Variants in REL observed in about 807,000 individuals in gnomAD.
The protein encoded by REL is proto-oncogene c-Rel.
In REL, 15 loss-of-function variants were observed where a neutral mutation model predicts 45.9. The ratio of observed to expected loss-of-function variants is 0.33; its 90% confidence interval spans 0.22 to 0.50. The LOEUF is 0.50. REL is among the 20% of genes least tolerant of loss of function. The probability of loss-of-function intolerance (pLI) is 0.98; values close to 1 mark genes in which losing one functional copy is unlikely to be tolerated. For missense variants in REL, 601 were observed against 715.2 expected (o/e 0.84, Z 1.82); for synonymous variants, 239 against 242.1 (o/e 0.99, Z 0.12).
chr2:60,897,343 T>C (rs911672952), intron 3 of REL, among the ~76,000 whole-genome samples: 1 of 151,570 alleles, frequency 6.6e-6, no homozygotes, highest in African/African-American at 2.4e-5. Context: ...AGCCTTGCTC[T>C]GTTGCCCAGG....
intron 1 of REL, among the ~76,000 whole-genome samples, chr2:60,888,620 T>C (rs1673129801): frequency 6.6e-6 from 1 of 152,202 alleles, no homozygotes; most frequent in Non-Finnish European, 1.5e-5. Flanking sequence ...TATGAACTTG[T>C]TTAGGTTAAA....
At chr2:60,898,167 T>G (rs1211923432) in intron 3 of REL, among the ~76,000 whole-genome samples, 1 of 152,228 alleles carries the variant, frequency 6.6e-6, no homozygotes, top group Non-Finnish European at 1.5e-5. Context: ...TGGTCTTGCA[T>G]TAACCATTTT....
Position 60,921,910 on chromosome 2 carries a change from G to T in REL, c.1139G>T (p.Trp380Leu), listed in dbSNP as rs775805658. The change falls in exon 10 of 10, where the codon TGG (tryptophan) becomes TTG (leucine). Residue 380 changes from tryptophan to leucine, a missense_variant. By Grantham distance (61) the Trp-to-Leu change is moderately conservative. Transcript: ENST00000394479. ...ATGGCACCTCTGCCTTCTTCAAGCT[G>T]GTCATCAGTGGCCCACCCCACCCCA... ...ASMAPLPSSS[W>L]SSVAHPTPRS... The T allele has an allele frequency of 6.8e-6, 11 of 1,613,914 alleles. No homozygotes were observed. In the South Asian group the frequency reaches 1.2e-4, roughly 18 times the overall value.
intron 1 of REL, among the ~76,000 whole-genome samples, chr2:60,887,935 T>G (rs1318349444): frequency 2.7e-5 from 4 of 145,606 alleles, no homozygotes; most frequent in South Asian, 2.2e-4. Flanking sequence ...GTTTTGTTTG[T>G]TTTTTTTTTT....
intron 9 of REL, among the ~76,000 whole-genome samples, chr2:60,920,871 G>A (rs978404179): frequency 6.6e-6 from 1 of 152,042 alleles, no homozygotes; most frequent in Non-Finnish European, 1.5e-5. Context: ...TGTTCATATG[G>A]TAGCAATTTT....
rs148332613 is a variant in REL at position 60,889,898 on chromosome 2, G to A, written c.11-1785G>A. Among the ~76,000 whole-genome samples, 412 of 152,188 alleles carry A rather than the reference G, an allele frequency of 2.7e-3. 2 individuals carry two copies. Among genetic ancestry groups the A allele is most frequent in the African/African-American group, 8.6e-3 (358 of 41,502 alleles). Reference sequence around the variant, plus strand: ...AGTCTTTGCTATTGTGAAGAGTGCCGCAATAAACATACTTGTGCATGTGTC... The same window carrying A: ...AGTCTTTGCTATTGTGAAGAGTGCCACAATAAACATACTTGTGCATGTGTC... On this transcript the variant is annotated intron_variant, in intron 1 of 9. Coordinates refer to ENST00000394479, the MANE Select transcript of REL (RefSeq NM_001291746.2).
At chr2:60,894,589 T>C in intron 3 of REL, 44 bp downstream of exon 3, 2 of 1,431,208 alleles carry the variant, frequency 1.4e-6, no homozygotes, top group Non-Finnish European at 1.9e-6. Context: ...AGATAAGACA[T>C]AGGATGTTCT....
chr2:60,903,287 G>A (rs1673546292), intron 4 of REL, among the ~76,000 whole-genome samples: 1 of 152,174 alleles, frequency 6.6e-6, no homozygotes, highest in African/African-American at 2.4e-5. Context: ...AATATAAGTG[G>A]CAGACCTGGA....
chr2:60,897,878 A>AG (rs1416834982), intron 3 of REL, among the ~76,000 whole-genome samples: 1 of 152,046 alleles, frequency 6.6e-6, no homozygotes, highest in Non-Finnish European at 1.5e-5. Flanking sequence ...AAAAAAAAAA[A>AG]AAAGCACTTC....
Position 60,909,451 on chromosome 2 carries a change from A to AT in REL, c.395-7414dup, listed in dbSNP as rs879894792. Among the ~76,000 whole-genome samples the AT allele has an allele frequency of 5.1e-3, 734 of 145,340 alleles. 7 individuals carry two copies. Among genetic ancestry groups the AT allele is most frequent in the African/African-American group, 0.015 (601 of 39,862 alleles). On this transcript the variant is annotated intron_variant, in intron 4 of 9. Transcript: ENST00000394479. ...TTTTTCCTTAAGTGAGACTTAGTTCATTTTTTTTTTTTCTATTATTTGTAG... is the reference window on the plus strand; with the variant it reads ...TTTTTCCTTAAGTGAGACTTAGTTCATTTTTTTTTTTTTCTATTATTTGTAG...
chr2:60,922,614 T>G lies in REL; in HGVS notation c.*79T>G, dbSNP rs546826285. On this transcript the variant is annotated 3_prime_UTR_variant, in exon 10 of 10. Coordinates refer to ENST00000394479, the MANE Select transcript of REL (RefSeq NM_001291746.2). ...TTTTGTATTTGTCTAACTGGGGATA[T>G]AATACTATATTTATACTGTATATAT... 1.4e-6 allele frequency: 2 copies of G among 1,423,880 alleles called. No individual in the cohort carries two copies. The highest frequency in any genetic ancestry group is 2.9e-5 in the African/African-American group (2 of 69,270). The allele number at this position is 1,423,880 out of a possible 1,614,324, so 88.2% of individuals were successfully genotyped here. A position where few individuals can be genotyped will look rare whatever the true frequency, so the allele number is the denominator to read the frequency against.
chr2:60,901,111 A>G (rs373097035), intron 4 of REL, 28 bp downstream of exon 4: 56 of 1,344,626 alleles, frequency 4.2e-5, no homozygotes, highest in African/African-American at 8.6e-5. Flanking sequence ...AATCATTTCT[A>G]TTTATTTGGG....
chr2:60,920,674 A>T (rs1256486152), intron 9 of REL, 32 bp downstream of exon 9: 6 of 1,330,020 alleles, frequency 4.5e-6, no homozygotes, highest in Non-Finnish European at 6.5e-6. Flanking sequence ...ATTTCTTGTG[A>T]TCAGAAAGAC....
intron 1 of REL, among the ~76,000 whole-genome samples, chr2:60,889,706 C>T (rs1031618433): frequency 6.6e-6 from 1 of 151,834 alleles, no homozygotes; most frequent in African/African-American, 2.4e-5. Context: ...TGAGTGAGAA[C>T]ATGCGGTGTT....
rs139031055 is a variant in REL at position 60,921,806 on chromosome 2, T to C, written c.1035T>C (p.Pro345=). Residue 345 remains proline (P), a synonymous_variant, in exon 10 of 10, where the codon CCT becomes CCC. Transcript: ENST00000394479. The part of the protein sequence containing the change: ...FSHDAVVREM[P]TGVSSQAESY... Reference sequence around the variant, plus strand: ...ATGATGCAGTTGTGAGAGAAATGCCTACAGGGGTTTCAAGTCAAGCAGAAT... The same window carrying C: ...ATGATGCAGTTGTGAGAGAAATGCCCACAGGGGTTTCAAGTCAAGCAGAAT... 7.6e-5 allele frequency: 123 copies of C among 1,614,102 alleles called. No individual in the cohort carries two copies. In the African/African-American group the frequency reaches 1.5e-3, roughly 20 times the overall value.
chr2:60,913,638 C>T (rs545797206), intron 4 of REL, among the ~76,000 whole-genome samples: 3 of 152,280 alleles, frequency 2.0e-5, no homozygotes, highest in Non-Finnish European at 4.4e-5. Flanking sequence ...GAGAGTTCAT[C>T]TCAATCTTCT....
Position 60,922,301 on chromosome 2 carries a change from C to T in REL, c.1530C>T (p.Ser510=). 1 of 1,614,104 alleles carries T rather than the reference C, an allele frequency of 6.2e-7. No individual in the cohort carries two copies. The highest frequency in any genetic ancestry group is 8.5e-7 in the Non-Finnish European group (1 of 1,179,998). Residue 510 remains serine (S), a synonymous_variant, in exon 10 of 10, where the codon TCC becomes TCT. Transcript: ENST00000394479. ...GACAGCTCCATCAGATGTCCTCTTCCAGTATGTCAGCAGGCGCCAATTCCA... is the reference window on the plus strand; with the variant it reads ...GACAGCTCCATCAGATGTCCTCTTCTAGTATGTCAGCAGGCGCCAATTCCA... The part of the protein sequence containing the change: ...DLRQLHQMSS[S]SMSAGANSNT...
In REL at chr2:60,928,419, A is replaced by G. The variant is rs1245552988; in HGVS notation, c.*5884A>G. 2.0e-5 allele frequency: 3 copies of G among 151,718 alleles called. No homozygotes were observed. Among genetic ancestry groups the G allele is most frequent in the Admixed American group, 6.6e-5 (1 of 15,230 alleles). The allele number at this position is 151,718 out of a possible 1,614,324, so 9.4% of individuals were successfully genotyped here. On this transcript the variant is annotated 3_prime_UTR_variant, in exon 10 of 10. Coordinates refer to ENST00000394479, the MANE Select transcript of REL (RefSeq NM_001291746.2). ...GGAGGCATCACACTACCTGACTTCA[A>G]ACTATACTACAAGGCTACAGTAACC... is the stretch of plus-strand genomic sequence containing the variant.
intron 7 of REL, among the ~76,000 whole-genome samples, chr2:60,919,756 T>C (rs1394877723): frequency 1.3e-5 from 2 of 152,078 alleles, no homozygotes; most frequent in African/African-American, 4.8e-5. Flanking sequence ...AGACAGGGTT[T>C]TGTCATGTTG....
Sources: gnomAD v4.1 joint callset for allele counts (sites outside exome capture counted in the v4.1 genomes callset) on GRCh38, gnomAD v4.1.1 for gene constraint, MANE v1.5 for transcripts, NCBI Gene and HGNC (gene_info 2026-07-23, HGNC 2026-07-21) for gene names.